The following SUGCT variants were observed in gnomAD, a reference collection of about 807,000 sequenced individuals.
SUGCT encodes the protein succinyl-CoA:glutarate-CoA transferase, also known as succinyl-CoA:glutarate CoA-transferase.
In SUGCT, 41 loss-of-function variants were observed where a neutral mutation model predicts 55.0. The observed-to-expected ratio is 0.74, with a 90% CI of 0.58 to 0.97. The LOEUF (loss-of-function observed/expected upper bound fraction) is 0.97. SUGCT is among the 50% of genes least tolerant of loss of function. SUGCT has a pLI of 0.00. For missense variants in SUGCT, 568 were observed against 547.8 expected, an observed-to-expected ratio of 1.04 and a Z score of -0.37; for synonymous variants, 187 against 200.4, an observed-to-expected ratio of 0.93 and a Z score of 0.56.
At chr7:40,251,148 C>T (rs894409322) in intron 7 of SUGCT, among the ~76,000 whole-genome samples, 1 of 152,102 alleles carries the variant, frequency 6.6e-6, no homozygotes, top group Admixed American at 6.6e-5. Context: ...GCTTCTTTAA[C>T]TATTACCTAC....
At chr7:40,174,597 C>T (rs181869164) in intron 1 of SUGCT, among the ~76,000 whole-genome samples, 2 of 152,124 alleles carry the variant, frequency 1.3e-5, no homozygotes, top group East Asian at 3.9e-4. Flanking sequence ...ATGTATGTTC[C>T]TGCCACTGCA....
intron 7 of SUGCT, among the ~76,000 whole-genome samples, chr7:40,265,794 T>C (rs1170428794): frequency 6.6e-6 from 1 of 151,972 alleles, no homozygotes; most frequent in Non-Finnish European, 1.5e-5. Flanking sequence ...CTACTAAAAG[T>C]ACAAAAATTA....
chr7:40,478,115 C>T (rs1166167068), intron 11 of SUGCT, among the ~76,000 whole-genome samples: 1 of 152,156 alleles, frequency 6.6e-6, no homozygotes, highest in East Asian at 1.9e-4. Context: ...GCCTAAGCCT[C>T]CTGAGTCATT....
At chr7:40,302,878 G>T (rs1794621251) in intron 8 of SUGCT, among the ~76,000 whole-genome samples, 1 of 151,518 alleles carries the variant, frequency 6.6e-6, no homozygotes. Context: ...TCATGACTGT[G>T]TCTCATCATT....
chr7:40,603,767 A>G (rs544856379), intron 12 of SUGCT, among the ~76,000 whole-genome samples: 21 of 152,338 alleles, frequency 1.4e-4, no homozygotes, highest in Non-Finnish European at 2.4e-4. Flanking sequence ...ATGCCCTATC[A>G]TAATTAGTAA....
chr7:40,475,145 T>C (rs1036590577), intron 11 of SUGCT, among the ~76,000 whole-genome samples: 2 of 152,224 alleles, frequency 1.3e-5, no homozygotes, highest in Non-Finnish European at 2.9e-5. Context: ...GCCTTCATGG[T>C]AAAGTACATT....
At chr7:40,566,683 A>T (rs940826712) in intron 12 of SUGCT, among the ~76,000 whole-genome samples, 1 of 152,192 alleles carries the variant, frequency 6.6e-6, no homozygotes, top group Non-Finnish European at 1.5e-5. Context: ...TTATATTTTA[A>T]GGTTTGTTTC....
At chr7:40,240,940 C>T (rs1253513903) in intron 7 of SUGCT, among the ~76,000 whole-genome samples, 1 of 152,088 alleles carries the variant, frequency 6.6e-6, no homozygotes, top group Non-Finnish European at 1.5e-5. Context: ...TGCATGTCAT[C>T]TAGATGCTGG....
chr7:40,419,282 T>C (rs1787175874), intron 9 of SUGCT, among the ~76,000 whole-genome samples: 1 of 152,318 alleles, frequency 6.6e-6, no homozygotes, highest in Middle Eastern at 3.4e-3. Flanking sequence ...ATGAGAGATC[T>C]GATACCAGGA....
intron 13 of SUGCT, among the ~76,000 whole-genome samples, chr7:40,821,715 G>T (rs1186046723): frequency 6.6e-6 from 1 of 152,126 alleles, no homozygotes; most frequent in African/African-American, 2.4e-5. Context: ...CAAAAAACCA[G>T]CTCCTGGATT....
intron 11 of SUGCT, among the ~76,000 whole-genome samples, chr7:40,495,959 C>T (rs1156857769): frequency 2.6e-5 from 4 of 152,114 alleles, no homozygotes; most frequent in South Asian, 2.1e-4. Context: ...AGACATATTG[C>T]CCAATGACTT....
rs150783440 is a variant in SUGCT, at chr7:40,148,367, G to A, written c.100+13247G>A. 2.5e-3 allele frequency among the ~76,000 whole-genome samples: 383 copies of A among 152,230 alleles called. 2 individuals are homozygous for A. Among genetic ancestry groups the A allele is most frequent in the Middle Eastern group, 6.8e-3 (2 of 294 alleles). ...AGTTGTGGAAAGGTAAAACCTGGCC[G>A]GGCGCGGTGGCTCATGCTTGTAATC... On this transcript the variant is annotated intron_variant, in intron 1 of 13. Transcript: ENST00000335693.
At chr7:40,448,922 A>ATATG (rs1260105363) in intron 9 of SUGCT, among the ~76,000 whole-genome samples, 8 of 146,408 alleles carry the variant, frequency 5.5e-5, no homozygotes, top group African/African-American at 2.1e-4. Context: ...GTGTGTGTAT[A>ATATG]TATGTGTGTG....
At chr7:40,426,204 C>T (rs959723261) in intron 9 of SUGCT, among the ~76,000 whole-genome samples, 2 of 152,054 alleles carry the variant, frequency 1.3e-5, no homozygotes, top group Non-Finnish European at 2.9e-5. Context: ...ACATTTTAGT[C>T]CAAACAAGTC....
chr7:40,734,582 G>C (rs1441695889), intron 12 of SUGCT, among the ~76,000 whole-genome samples: 2 of 152,078 alleles, frequency 1.3e-5, no homozygotes, highest in Admixed American at 6.6e-5. Context: ...CATTCATGCT[G>C]GTTGGACTGT....
intron 13 of SUGCT, among the ~76,000 whole-genome samples, chr7:40,838,944 GT>G (rs74338520): frequency 0.23 from 29,262 of 129,802 alleles, 3,828 homozygotes; most frequent in East Asian, 0.78. Context: ...TTTGGTGAGA[GT>G]TTTTTTTTTT....
intron 1 of SUGCT, among the ~76,000 whole-genome samples, chr7:40,138,371 C>A (rs1482840078): frequency 6.6e-6 from 1 of 151,978 alleles, no homozygotes; most frequent in Non-Finnish European, 1.5e-5. Flanking sequence ...GTATATATGC[C>A]ATATTTTGTT....
intron 7 of SUGCT, among the ~76,000 whole-genome samples, chr7:40,260,334 A>G (rs1791138400): frequency 6.6e-6 from 1 of 152,234 alleles, no homozygotes; most frequent in South Asian, 2.1e-4. Flanking sequence ...TCTAGAATAT[A>G]ACATAGACCC....
At chr7:40,433,930 T>C (rs1411588754) in intron 9 of SUGCT, among the ~76,000 whole-genome samples, 1 of 152,208 alleles carries the variant, frequency 6.6e-6, no homozygotes, top group Non-Finnish European at 1.5e-5. Context: ...ACAGAATTTC[T>C]TGGCTACCCT....
Sources: allele counts gnomAD v4.1 joint callset (sites outside exome capture counted in the v4.1 genomes callset), GRCh38; gene constraint gnomAD v4.1.1; transcripts MANE v1.5; gene names NCBI Gene and HGNC (gene_info 2026-07-23, HGNC 2026-07-21).